The following STPG2 variants were observed in gnomAD, a reference collection of about 807,000 sequenced individuals.
STPG2 encodes sperm-tail PG-rich repeat-containing protein 2.
Under a neutral mutation model 54.2 loss-of-function variants are expected in STPG2, and 56 were observed. That is an observed-to-expected ratio of 1.03 (90% CI 0.83 to 1.29). The LOEUF is 1.29. Among genes scored for constraint, STPG2 ranks in the 50% most tolerant of loss-of-function variants. STPG2 has a pLI of 0.00. For missense variants in STPG2, 596 were observed against 544.9 expected (o/e 1.09, Z -0.93); for synonymous variants, 200 against 181.8 (o/e 1.10, Z -0.81).
intron 4 of STPG2, among the ~76,000 whole-genome samples, chr4:97,472,705 G>A (rs1729966934): frequency 6.6e-6 from 1 of 152,076 alleles, no homozygotes; most frequent in African/African-American, 2.4e-5. Context: ...AAGACAAGGA[G>A]GAGCCCTAAA....
At position 98,114,846 on chromosome 4, in the gene STPG2, A is replaced by C. The variant is rs144618142; in HGVS notation, c.388-5541T>G. ...ACATGAATTGACAAGTACTTAACTC[A>C]TTAACCTCTGCGGTACTCAGGTAGA... On this transcript the variant is annotated intron_variant, in intron 3 of 10. Transcript: ENST00000295268. Among the ~76,000 whole-genome samples, 49 of 151,796 alleles carry C rather than the reference A, an allele frequency of 3.2e-4. 1 individual carries two copies. The highest frequency in any genetic ancestry group is 1.2e-3 in the African/African-American group (48 of 41,420).
intron 8 of STPG2, among the ~76,000 whole-genome samples, chr4:97,854,163 C>T (rs565215048): frequency 2.0e-5 from 3 of 152,260 alleles, no homozygotes; most frequent in African/African-American, 7.2e-5. Context: ...AGCCTAACAA[C>T]AAACATTTAT....
intron 4 of STPG2, among the ~76,000 whole-genome samples, chr4:97,458,813 G>T (rs1038516153): frequency 6.6e-6 from 1 of 152,078 alleles, no homozygotes; most frequent in African/African-American, 2.4e-5. Context: ...CTTCAAAAAG[G>T]TTGATGTCCC....
rs187435337 is a variant in STPG2, at chr4:97,601,122, T to A, written c.1321-42005A>T. 3.1e-4 allele frequency among the ~76,000 whole-genome samples: 47 copies of A among 152,204 alleles called. No homozygotes were observed. In the East Asian group the frequency reaches 7.9e-3, roughly 26 times the overall value. ...TTCATGGTTTCATTATTCCAATTGT[T>A]GCAGGAACTTCAAAATAATGTGCCT... On this transcript the variant is annotated intron_variant, in intron 10 of 10. Transcript: ENST00000295268.
At chr4:97,580,322 A>G (rs1235834081) in intron 10 of STPG2, among the ~76,000 whole-genome samples, 1 of 151,988 alleles carries the variant, frequency 6.6e-6, no homozygotes, top group East Asian at 1.9e-4. Context: ...TAATGATTAT[A>G]TGATATAATA....
At chr4:98,062,769 G>A (rs1050785350) in intron 5 of STPG2, among the ~76,000 whole-genome samples, 1 of 151,998 alleles carries the variant, frequency 6.6e-6, no homozygotes, top group Admixed American at 6.6e-5. Flanking sequence ...GGCAAAAACC[G>A]CAATTACTTT....
intron 7 of STPG2, among the ~76,000 whole-genome samples, chr4:97,967,185 CAAAAAAA>C (rs58042990): frequency 1.9e-5 from 2 of 107,200 alleles, no homozygotes; most frequent in Non-Finnish European, 3.6e-5. Context: ...AAATGGTAAG[CAAAAAAA>C]AAAAAAAAAA....
chr4:97,586,576 AG>A (rs1327292756), intron 10 of STPG2, among the ~76,000 whole-genome samples: 2 of 151,996 alleles, frequency 1.3e-5, no homozygotes, highest in African/African-American at 2.4e-5. Context: ...TAAAGCACCT[AG>A]AGAGAAAGGC....
chr4:97,846,314 T>G (rs1560551599), intron 8 of STPG2, among the ~76,000 whole-genome samples: 1 of 151,756 alleles, frequency 6.6e-6, no homozygotes, highest in Non-Finnish European at 1.5e-5. Context: ...GAAAAGGAAC[T>G]TCAGACTCTC....
chr4:97,563,458 A>T (rs1271994113), intron 10 of STPG2, among the ~76,000 whole-genome samples: 1 of 151,858 alleles, frequency 6.6e-6, no homozygotes, highest in African/African-American at 2.4e-5. Flanking sequence ...CTCTGATTTT[A>T]GTTATTTCTT....
intron 4 of STPG2, among the ~76,000 whole-genome samples, chr4:98,107,602 C>T (rs13107147): frequency 0.39 from 59,407 of 151,786 alleles, 11,850 homozygotes; most frequent in Middle Eastern, 0.45. Context: ...GAAAAACCAC[C>T]AAGCAGAATC....
intron 8 of STPG2, among the ~76,000 whole-genome samples, chr4:97,892,485 T>G (rs1448125651): frequency 6.6e-6 from 1 of 152,124 alleles, no homozygotes; most frequent in Non-Finnish European, 1.5e-5. Context: ...TGTTATCACT[T>G]CCCTAATCTC....
chr4:97,999,738 A>G (rs528374818), intron 5 of STPG2, among the ~76,000 whole-genome samples: 1 of 152,244 alleles, frequency 6.6e-6, no homozygotes, highest in African/African-American at 2.4e-5. Flanking sequence ...TGGGAGAAAA[A>G]CTAATTTAAT....
chr4:97,849,316 C>A (rs1369643335), intron 8 of STPG2, among the ~76,000 whole-genome samples: 1 of 150,114 alleles, frequency 6.7e-6, no homozygotes, highest in Non-Finnish European at 1.5e-5. Flanking sequence ...CCATAAAAAC[C>A]CTAGAAGAAA....
intron 9 of STPG2, among the ~76,000 whole-genome samples, chr4:97,772,671 T>C (rs932185080): frequency 3.9e-5 from 6 of 152,142 alleles, no homozygotes; most frequent in Non-Finnish European, 8.8e-5. Context: ...AGACCATGAG[T>C]CCTACAAGAA....
chr4:97,600,561 G>A (rs1032498066), intron 10 of STPG2, among the ~76,000 whole-genome samples: 7 of 151,980 alleles, frequency 4.6e-5, no homozygotes, highest in African/African-American at 7.3e-5. Context: ...ATTTAAATTG[G>A]GCTTTGAAGC....
chr4:97,638,171 G>A (rs1721626352), intron 10 of STPG2, among the ~76,000 whole-genome samples: 1 of 152,004 alleles, frequency 6.6e-6, no homozygotes, highest in Non-Finnish European at 1.5e-5. Flanking sequence ...ACAGAACAGA[G>A]CCCTCAGAAA....
chr4:97,936,559 G>T (rs1560598821), intron 8 of STPG2, among the ~76,000 whole-genome samples: 2 of 152,090 alleles, frequency 1.3e-5, no homozygotes, highest in African/African-American at 2.4e-5. Context: ...AGGAGATCTT[G>T]CAAGGCAGGC....
intron 10 of STPG2, among the ~76,000 whole-genome samples, chr4:97,710,533 AT>A (rs1275065993): frequency 1.3e-5 from 2 of 152,082 alleles, no homozygotes; most frequent in African/African-American, 4.8e-5. Context: ...CAGCTAAGTA[AT>A]TTTCAAGTAT....
Sources: gnomAD v4.1 joint callset for allele counts (sites outside exome capture counted in the v4.1 genomes callset) on GRCh38, gnomAD v4.1.1 for gene constraint, MANE v1.5 for transcripts, NCBI Gene and HGNC (gene_info 2026-07-23, HGNC 2026-07-21) for gene names.